Variants in ZNF571 observed in about 807,000 individuals in gnomAD.
ZNF571 encodes zinc finger protein 571.
Under a neutral mutation model 7.7 loss-of-function variants are expected in ZNF571, and 4 were observed. That is an observed-to-expected ratio of 0.52 (90% CI 0.25 to 1.18). ZNF571 has a LOEUF of 1.18. ZNF571 is among the 50% of genes most tolerant of loss of function. ZNF571 has a pLI of 0.14. For synonymous variants in ZNF571, 251 were observed against 232.4 expected (o/e 1.08, Z -0.73); for missense variants, 704 against 726.9 (o/e 0.97, Z 0.36).
chr19:37,581,122 A>AC (rs2043442446), intron 3 of ZNF571, among the ~76,000 whole-genome samples: 1 of 152,124 alleles, frequency 6.6e-6, no homozygotes, highest in Admixed American at 6.5e-5. Context: ...AAAACGTGAG[A>AC]CCCCCTTGGG....
chr19:37,564,805 A>C lies in ZNF571; in HGVS notation c.1623T>G (p.Arg541=). 1.2e-6 allele frequency: 2 copies of C among 1,614,008 alleles called. No individual in the cohort carries two copies. Among genetic ancestry groups the C allele is most frequent in the Non-Finnish European group, 1.7e-6 (2 of 1,179,952 alleles). Residue 541 remains arginine, a synonymous_variant, in exon 4 of 4, where the codon CGT becomes CGG. Coordinates refer to ENST00000451802, the MANE Select transcript of ZNF571 (RefSeq NM_016536.5). ...ECKQCGKAFI[R]GSHLTEHLRT... Reference sequence around the variant, plus strand: ...TCAGATGTTCAGTAAGGTGTGAGCCACGAATAAAAGCCTTCCCACACTGTT... The same window carrying C: ...TCAGATGTTCAGTAAGGTGTGAGCCCCGAATAAAAGCCTTCCCACACTGTT...
At chr19:37,592,283 A>G (rs896978062) in intron 1 of ZNF571, among the ~76,000 whole-genome samples, 5 of 152,194 alleles carry the variant, frequency 3.3e-5, no homozygotes, top group African/African-American at 1.2e-4. Context: ...GGTATCAATC[A>G]TAAGTGGACG....
rs1291959176 is a variant in ZNF571, at chr19:37,565,082, C to T, written c.1346G>A (p.Cys449Tyr). 8 of 1,613,274 alleles carry T rather than the reference C, an allele frequency of 5.0e-6. No individual in the cohort carries two copies. Among genetic ancestry groups the T allele is most frequent in the African/African-American group, 1.3e-5 (1 of 74,898 alleles). ...RIHTGEKPFE[C>Y]KECGKAFIRV... The stretch of plus-strand genomic sequence containing the variant: ...AATAAAGGCCTTTCCACATTCCTTA[C>T]ATTCAAAGGGTTTCTCACCTGTATG... Residue 449 changes from cysteine (C) to tyrosine (Y), a missense_variant, in exon 4 of 4, where the codon TGT becomes TAT. Cys to Tyr is a radical substitution (Grantham distance 194, BLOSUM62 -2). Coordinates refer to ENST00000451802, the MANE Select transcript of ZNF571 (RefSeq NM_016536.5).
In ZNF571 at chr19:37,565,755, A is replaced by G; in HGVS notation, c.673T>C (p.Cys225Arg). 1 of 1,613,820 alleles carries G rather than the reference A, an allele frequency of 6.2e-7. No individual in the cohort carries two copies. Among genetic ancestry groups the G allele is most frequent in the Non-Finnish European group, 8.5e-7 (1 of 1,179,928 alleles). The change falls in exon 4 of 4, where the codon TGT becomes CGT. Residue 225 changes from cysteine to arginine, a missense_variant. Cys to Arg is a radical substitution (Grantham distance 180). Coordinates refer to ENST00000451802, the MANE Select transcript of ZNF571 (RefSeq NM_016536.5). ...ATAAAAGCTTTCCCACATGCGTTAC[A>G]CTGATAAGGTTTTTCATTAGTATGA... ...KIHTNEKPYQCNACGKAFIRG... is the reference protein window; with the variant it reads ...KIHTNEKPYQRNACGKAFIRG...
chr19:37,578,008 T>C (rs577415046), intron 3 of ZNF571, among the ~76,000 whole-genome samples: 84 of 152,254 alleles, frequency 5.5e-4, no homozygotes, highest in Middle Eastern at 3.4e-3. Context: ...AGCGGCAGCT[T>C]GAGATTCTCA....
intron 3 of ZNF571, among the ~76,000 whole-genome samples, chr19:37,582,214 A>G (rs1025957257): frequency 6.6e-6 from 1 of 152,146 alleles, no homozygotes; most frequent in Non-Finnish European, 1.5e-5. Flanking sequence ...ATACTCCACA[A>G]TGAGGTTTTT....
chr19:37,583,987 G>A lies in ZNF571; in HGVS notation c.120C>T (p.Ser40=). The change falls in exon 3 of 4, where the codon AGC becomes AGT. Residue 40 remains serine, a synonymous_variant. Coordinates refer to ENST00000451802, the MANE Select transcript of ZNF571 (RefSeq NM_016536.5). ...LYRDVMLENY[S]NLISLDLESS... is the part of the protein sequence containing the mutation. ...TGATCTTACCCAATGAGATCAGGTT[G>A]CTGTAGTTCTCCAACATCACATCCC... is the stretch of plus-strand genomic sequence containing the variant. The A allele has an allele frequency of 1.2e-6, 2 of 1,611,962 alleles. No individual in the cohort carries two copies. Among genetic ancestry groups the A allele is most frequent in the Non-Finnish European group, 1.7e-6 (2 of 1,178,858 alleles).
intron 2 of ZNF571, 40 bp downstream of exon 2, chr19:37,586,628 A>G: frequency 6.2e-7 from 1 of 1,613,152 alleles, no homozygotes; most frequent in Non-Finnish European, 8.5e-7. Context: ...TTACACAACA[A>G]AATGATTGTA....
intron 1 of ZNF571, among the ~76,000 whole-genome samples, chr19:37,593,908 C>T (rs1057236995): frequency 6.6e-6 from 1 of 151,894 alleles, no homozygotes. Context: ...GAAAACGTTT[C>T]GGAAAGGAAG....
Position 37,565,290 on chromosome 19 carries a change from A to G in ZNF571, c.1138T>C (p.Tyr380His). 6.2e-7 allele frequency: 1 copy of G among 1,609,744 alleles called. No individual in the cohort carries two copies. Among genetic ancestry groups the G allele is most frequent in the Non-Finnish European group, 8.5e-7 (1 of 1,178,220 alleles). Residue 380 changes from tyrosine to histidine, a missense_variant, in exon 4 of 4, where the codon TAC becomes CAC. Tyr to His is a moderately conservative substitution (Grantham distance 83, BLOSUM62 2). Transcript: ENST00000451802. The stretch of plus-strand genomic sequence containing the variant: ...TCACCTGAATGAACTCTCAGGTGGT[A>G]AGTAAGTTGTGAGCCACGAAAAAAG... ...KTFFRGSQLTYHLRVHSGERP... is the reference protein window; with the variant it reads ...KTFFRGSQLTHHLRVHSGERP...
At chr19:37,586,802 C>T in intron 1 of ZNF571, 57 bp from the exon 2 acceptor site, 1 of 936,818 alleles carries the variant, frequency 1.1e-6, no homozygotes, top group Non-Finnish European at 1.7e-6. Flanking sequence ...ACAAAATAAA[C>T]TACTTAGAAC....
intron 1 of ZNF571, among the ~76,000 whole-genome samples, chr19:37,590,268 T>A (rs1452317341): frequency 6.6e-6 from 1 of 151,376 alleles, no homozygotes; most frequent in Non-Finnish European, 1.5e-5. Flanking sequence ...TAAAAAAAAA[T>A]TAGCTGGGCG....
rs1301070942 is a variant in ZNF571, at chr19:37,565,420, T to C, written c.1008A>G (p.Ile336Met). 1.2e-6 allele frequency: 2 copies of C among 1,613,268 alleles called. No homozygotes were observed. Among genetic ancestry groups the C allele is most frequent in the Non-Finnish European group, 1.7e-6 (2 of 1,179,774 alleles). The stretch of plus-strand genomic sequence containing the variant: ...AAAAGGCTTTCCCACATTCTTTACA[T>C]ATGTAAGGCTTTTCACCAGTATGAA... ...QRVHTGEKPY[I>M]CKECGKAFLC... The change falls in exon 4 of 4, where the codon ATA becomes ATG. Residue 336 changes from isoleucine (I) to methionine (M), a missense_variant. Physicochemically the swap from Ile to Met is conservative, Grantham distance 10. Coordinates refer to ENST00000451802, the MANE Select transcript of ZNF571 (RefSeq NM_016536.5).
chr19:37,578,049 A>C (rs559795487), intron 3 of ZNF571, among the ~76,000 whole-genome samples: 2 of 152,284 alleles, frequency 1.3e-5, no homozygotes, highest in South Asian at 2.1e-4. Context: ...TAAAGTGTGC[A>C]CAGGACGGAT....
At chr19:37,572,989 G>A (rs1227035442) in intron 3 of ZNF571, among the ~76,000 whole-genome samples, 3 of 152,086 alleles carry the variant, frequency 2.0e-5, no homozygotes, top group South Asian at 2.1e-4. Flanking sequence ...ATTTGTACTA[G>A]TAGCTTCTTT....
rs2042831673 is a variant in ZNF571, at chr19:37,565,715, A to G, written c.713T>C (p.Leu238Pro). The G allele has an allele frequency of 1.2e-6, 2 of 1,613,812 alleles. No homozygotes were observed. The highest frequency in any genetic ancestry group is 3.3e-5 in the Admixed American group (2 of 59,966). ...CGKAFIRGSQLTEHQRVHTGE... is the reference protein window; with the variant it reads ...CGKAFIRGSQPTEHQRVHTGE... ...TGTATGAACTCTCTGATGTTCAGTG[A>G]GCTGTGAACCACGAATAAAAGCTTT... Residue 238 changes from leucine to proline, a missense_variant, in exon 4 of 4, where the codon CTC (leucine) becomes CCC (proline). Physicochemically the swap from Leu to Pro is moderately conservative, Grantham distance 98. Coordinates refer to ENST00000451802, the MANE Select transcript of ZNF571 (RefSeq NM_016536.5).
Position 37,566,115 on chromosome 19 carries a change from C to T in ZNF571, c.313G>A (p.Gly105Arg). The stretch of plus-strand genomic sequence containing the variant: ...GTAATTTTGACACACATGTAAAGCC[C>T]TTCCTGACTTGCTTCTTGACCCTCT... The part of the protein sequence containing the change: ...NLEGQEASQE[G>R]LYMCVKITCE... The change falls in exon 4 of 4, where the codon GGG (glycine) becomes AGG (arginine). Residue 105 changes from glycine (G) to arginine (R), a missense_variant. Gly to Arg is a moderately radical substitution (Grantham distance 125). Coordinates refer to ENST00000451802, the MANE Select transcript of ZNF571 (RefSeq NM_016536.5). The T allele has an allele frequency of 1.2e-6, 2 of 1,614,050 alleles. No individual in the cohort carries two copies. The highest frequency in any genetic ancestry group is 8.5e-7 in the Non-Finnish European group (1 of 1,179,930).
rs2043574713 is a variant in ZNF571 at position 37,584,103 on chromosome 19, A to G, written c.10-6T>C. ...TCCCTGAAAGTCACCAACAACTGAA[A>G]CAACAAATCCATTACAGGATGATTC... On this transcript the variant is annotated splice_region_variant and splice_polypyrimidine_tract_variant and intron_variant, in intron 2 of 3. Transcript: ENST00000451802. 6.2e-7 allele frequency: 1 copy of G among 1,613,970 alleles called. No individual in the cohort carries two copies. The highest frequency in any genetic ancestry group is 1.3e-5 in the African/African-American group (1 of 74,938).
At position 37,564,749 on chromosome 19, in the gene ZNF571, C is replaced by A. The variant is rs2042784801; in HGVS notation, c.1679G>T (p.Cys560Phe). 2 of 1,613,820 alleles carry A rather than the reference C, an allele frequency of 1.2e-6. No individual in the cohort carries two copies. Among genetic ancestry groups the A allele is most frequent in the Non-Finnish European group, 1.7e-6 (2 of 1,179,784 alleles). Reference sequence around the variant, plus strand: ...ACTAAAGGCCCTCCCACATTCCTTACATTCATAGGGTTTCTCTCCAGTATG... The same window carrying A: ...ACTAAAGGCCCTCCCACATTCCTTAAATTCATAGGGTTTCTCTCCAGTATG... Reference protein sequence around the residue: ...RTHTGEKPYECKECGRAFSRG... With the variant: ...RTHTGEKPYEFKECGRAFSRG... Residue 560 changes from cysteine (C) to phenylalanine (F), a missense_variant, in exon 4 of 4, where the codon TGT becomes TTT. Transcript: ENST00000451802.
Sources: allele counts gnomAD v4.1 joint callset (sites outside exome capture counted in the v4.1 genomes callset), GRCh38; gene constraint gnomAD v4.1.1; transcripts MANE v1.5; gene names NCBI Gene and HGNC (gene_info 2026-07-23, HGNC 2026-07-21).